The following MAP3K5 variants were observed in gnomAD, a reference collection of about 807,000 sequenced individuals.
MAP3K5 encodes mitogen-activated protein kinase kinase kinase 5, also known as ASK-1.
MAP3K5 carries 56 observed loss-of-function variants against 158.7 expected under a neutral mutation model. The ratio of observed to expected loss-of-function variants is 0.35; its 90% CI spans 0.28 to 0.44. The LOEUF (loss-of-function observed/expected upper bound fraction) is 0.44. MAP3K5 is among the 20% of genes least tolerant of loss of function. MAP3K5 has a pLI of 1.00. For missense variants in MAP3K5, 1,294 were observed against 1,674.8 expected (o/e 0.77, Z 3.97); for synonymous variants, 579 against 601.7 (o/e 0.96, Z 0.55).
chr6:136,635,556 T>TATA (rs1256188745), intron 14 of MAP3K5, among the ~76,000 whole-genome samples: 1 of 151,960 alleles, frequency 6.6e-6, no homozygotes, highest in Non-Finnish European at 1.5e-5. Flanking sequence ...ATACAATTGC[T>TATA]AGATAATCAT....
chr6:136,580,749 CTT>C (rs938252419), intron 24 of MAP3K5, among the ~76,000 whole-genome samples: 34 of 152,130 alleles, frequency 2.2e-4, no homozygotes, highest in African/African-American at 7.7e-4. Flanking sequence ...GTCTAAGAGA[CTT>C]TAAATAAAAA....
chr6:136,652,850 T>C (rs1778578449), intron 10 of MAP3K5, among the ~76,000 whole-genome samples: 1 of 152,180 alleles, frequency 6.6e-6, no homozygotes, highest in South Asian at 2.1e-4. Context: ...ATCCTTGAAA[T>C]GACAAAATGT....
rs796672035 is a variant in MAP3K5, at chr6:136,746,276, A to G, written c.449-25687T>C. 4.8e-5 allele frequency among the ~76,000 whole-genome samples: 7 copies of G among 144,518 alleles called. 1 individual carries two copies. Among genetic ancestry groups the G allele is most frequent in the African/African-American group, 2.1e-4 (7 of 33,940 alleles). The allele number at this position is 144,518 out of a possible 152,430, so 94.8% of individuals were successfully genotyped here. A position where few individuals can be genotyped will look rare whatever the true frequency, so the allele number is the denominator to read the frequency against. On this transcript the variant is annotated intron_variant, in intron 1 of 29. Coordinates refer to ENST00000359015, the MANE Select transcript of MAP3K5 (RefSeq NM_005923.4). ...AAAGGACTCAAATGAAATAAATTTC[A>G]TAAAATTTTGAGGGGGGGGCAGGAA... is the stretch of plus-strand genomic sequence containing the variant.
chr6:136,605,611 C>T lies in MAP3K5; in HGVS notation c.2522-245G>A, dbSNP rs555663872. 4.6e-5 allele frequency among the ~76,000 whole-genome samples: 7 copies of T among 152,286 alleles called. No homozygotes were observed. In the East Asian group the frequency reaches 9.6e-4, roughly 21 times the overall value. ...CATATTATCTGGTTATGAATAGGTA[C>T]GCTCTTATTCCCTAGACAGTGGAGT... On this transcript the variant is annotated intron_variant, in intron 18 of 29. Transcript: ENST00000359015.
At chr6:136,648,958 C>A (rs888677635) in intron 11 of MAP3K5, among the ~76,000 whole-genome samples, 6 of 152,168 alleles carry the variant, frequency 3.9e-5, no homozygotes, top group African/African-American at 1.4e-4. Flanking sequence ...GATTAGGAAT[C>A]TGCAATTTAT....
chr6:136,739,822 T>A (rs539374388), intron 1 of MAP3K5, among the ~76,000 whole-genome samples: 1 of 152,354 alleles, frequency 6.6e-6, no homozygotes, highest in South Asian at 2.1e-4. Flanking sequence ...ATGATATGTA[T>A]GATCTCATTG....
intron 19 of MAP3K5, among the ~76,000 whole-genome samples, chr6:136,602,855 T>C (rs1775937235): frequency 6.6e-6 from 1 of 152,234 alleles, no homozygotes; most frequent in African/African-American, 2.4e-5. Context: ...GATTTGTGAA[T>C]ATCTTCCCTG....
intron 9 of MAP3K5, among the ~76,000 whole-genome samples, chr6:136,657,914 T>A (rs954827949): frequency 6.6e-5 from 10 of 152,244 alleles, no homozygotes; most frequent in African/African-American, 1.9e-4. Context: ...AGGCAAATCT[T>A]GTTTGCTAAG....
At chr6:136,672,492 G>C (rs965190928) in intron 7 of MAP3K5, among the ~76,000 whole-genome samples, 2 of 152,162 alleles carry the variant, frequency 1.3e-5, no homozygotes, top group Non-Finnish European at 2.9e-5. Context: ...TGACAATTGC[G>C]TGGTTTGGCA....
At chr6:136,733,608 TAAAAAAC>T (rs528876426) in intron 1 of MAP3K5, among the ~76,000 whole-genome samples, 203 of 151,990 alleles carry the variant, frequency 1.3e-3, no homozygotes, top group Non-Finnish European at 2.3e-3. Flanking sequence ...GTCTTTAAGT[TAAAAAAC>T]AAAAAACAAA....
intron 25 of MAP3K5, among the ~76,000 whole-genome samples, chr6:136,578,121 T>G (rs571666519): frequency 6.6e-6 from 1 of 152,328 alleles, no homozygotes; most frequent in African/African-American, 2.4e-5. Context: ...CCCATAGATC[T>G]TTTGAATATC....
intron 2 of MAP3K5, among the ~76,000 whole-genome samples, chr6:136,715,562 T>C (rs1426325691): frequency 6.6e-6 from 1 of 152,216 alleles, no homozygotes; most frequent in African/African-American, 2.4e-5. Flanking sequence ...GTCTATCCTT[T>C]TATAACACAA....
intron 15 of MAP3K5, among the ~76,000 whole-genome samples, chr6:136,615,667 C>T (rs762257084): frequency 9.2e-5 from 14 of 152,074 alleles, no homozygotes; most frequent in Admixed American, 3.3e-4. Flanking sequence ...TGTAGGGTGT[C>T]AGCAACAATA....
At chr6:136,578,334 G>C (rs1264191655) in intron 25 of MAP3K5, among the ~76,000 whole-genome samples, 2 of 152,114 alleles carry the variant, frequency 1.3e-5, no homozygotes, top group African/African-American at 2.4e-5. Context: ...TTATAATCAG[G>C]TGAAACTCAT....
chr6:136,750,864 A>C (rs1465180569), intron 1 of MAP3K5, among the ~76,000 whole-genome samples: 1 of 152,170 alleles, frequency 6.6e-6, no homozygotes, highest in East Asian at 1.9e-4. Context: ...AATTTCCACA[A>C]ATATTCCTAC....
At chr6:136,560,510 G>A (rs899863827) in intron 28 of MAP3K5, among the ~76,000 whole-genome samples, 2 of 152,102 alleles carry the variant, frequency 1.3e-5, no homozygotes, top group African/African-American at 4.8e-5. Flanking sequence ...TCTATACAGA[G>A]CAGAGAGGAA....
At position 136,665,966 on chromosome 6, in the gene MAP3K5, T is replaced by C. The variant is rs183985889; in HGVS notation, c.1366+3317A>G. On this transcript the variant is annotated intron_variant, in intron 8 of 29. Transcript: ENST00000359015. ...TTCTTTTACTGTATCATCATTACTG[T>C]TGGAGACTCAAACCTCTAAGTCTGA... 5.6e-4 allele frequency among the ~76,000 whole-genome samples: 86 copies of C among 152,362 alleles called. 1 individual carries two copies. Among genetic ancestry groups the C allele is most frequent in the African/African-American group, 1.9e-3 (79 of 41,590 alleles).
intron 15 of MAP3K5, among the ~76,000 whole-genome samples, chr6:136,617,551 G>A (rs1468369982): frequency 6.6e-6 from 1 of 152,098 alleles, no homozygotes; most frequent in Non-Finnish European, 1.5e-5. Context: ...GACCACCCCA[G>A]GATTTCTAGA....
chr6:136,673,041 T>C (rs1309594267), intron 7 of MAP3K5, among the ~76,000 whole-genome samples: 1 of 151,240 alleles, frequency 6.6e-6, no homozygotes, highest in Non-Finnish European at 1.5e-5. Context: ...CTACCAAATT[T>C]TGGAGAATAA....
Sources: allele counts gnomAD v4.1 joint callset (sites outside exome capture counted in the v4.1 genomes callset), GRCh38; gene constraint gnomAD v4.1.1; transcripts MANE v1.5; gene names NCBI Gene and HGNC (gene_info 2026-07-23, HGNC 2026-07-21).